The following SGCD variants were observed in gnomAD, a reference collection of about 807,000 sequenced individuals.
SGCD encodes the protein sarcoglycan delta, also known as delta-sarcoglycan.
A neutral mutation model predicts 36.6 loss-of-function variants in SGCD; 18 were observed. The ratio of observed to expected loss-of-function variants is 0.49; its 90% CI spans 0.34 to 0.73. SGCD has a LOEUF of 0.73. SGCD is among the 30% of genes least tolerant of loss of function. The probability of loss-of-function intolerance (pLI) is 0.01; values close to 1 mark genes in which losing one functional copy is unlikely to be tolerated. For synonymous variants in SGCD, 133 were observed against 130.6 expected, an observed-to-expected ratio of 1.02 and a Z score of -0.12; for missense variants, 387 against 346.7, an observed-to-expected ratio of 1.12 and a Z score of -0.92.
At chr5:156,201,690 G>A (rs1460503551) in intron 3 of SGCD, among the ~76,000 whole-genome samples, 2 of 151,624 alleles carry the variant, frequency 1.3e-5, no homozygotes, top group Admixed American at 6.6e-5. Context: ...TCATGCTGCA[G>A]GAGGGAAGAG....
chr5:156,229,293 T>TATATATATATATATATAAAAA (rs1561575014), intron 3 of SGCD, among the ~76,000 whole-genome samples: 6 of 125,224 alleles, frequency 4.8e-5, no homozygotes, highest in African/African-American at 1.5e-4. Context: ...TATATATATA[T>TATATATATATATATATAAAAA]ATATATAAAA....
rs1762791838 is a variant in SGCD, at chr5:156,635,517, C to T, written c.503-11947C>T. Among the ~76,000 whole-genome samples the T allele has an allele frequency of 3.9e-5, 6 of 152,206 alleles. No homozygotes were observed. In the South Asian group the frequency reaches 1.2e-3, roughly 32 times the overall value. On this transcript the variant is annotated intron_variant, in intron 6 of 8. Coordinates refer to ENST00000337851, the MANE Select transcript of SGCD (RefSeq NM_000337.6). The stretch of plus-strand genomic sequence containing the variant: ...CTAGAACTAGAAATACCATTTGACC[C>T]AGCCATCCCATTACTGGGTATATAC...
intron 3 of SGCD, among the ~76,000 whole-genome samples, chr5:156,507,389 G>A (rs1292948100): frequency 1.3e-5 from 2 of 152,172 alleles, no homozygotes; most frequent in African/African-American, 4.8e-5. Flanking sequence ...TCCCTTTAGA[G>A]CCTCCAGAAA....
the SGCD span, among the ~76,000 whole-genome samples, chr5:155,825,141 A>C: frequency 6.6e-6 from 1 of 152,216 alleles, no homozygotes; most frequent in Non-Finnish European, 1.5e-5. Flanking sequence ...CCTGTAATCC[A>C]TGATTGCGTT....
intron 3 of SGCD, among the ~76,000 whole-genome samples, chr5:156,479,866 G>T (rs140279435): frequency 8.4e-4 from 128 of 152,236 alleles, no homozygotes; most frequent in African/African-American, 2.9e-3. Flanking sequence ...TGCTCTCTTG[G>T]TTCTTCCAAC....
chr5:156,758,707 TTATTTTTATAGGCA>T (rs1306523976), intron 8 of SGCD, among the ~76,000 whole-genome samples: 8 of 152,182 alleles, frequency 5.3e-5, no homozygotes, highest in South Asian at 4.1e-4. Context: ...CCACAACTGC[TTATTTTTATAGGCA>T]TATTTTTATA....
chr5:156,527,129 T>C (rs1289872706), intron 4 of SGCD, among the ~76,000 whole-genome samples: 1 of 152,210 alleles, frequency 6.6e-6, no homozygotes, highest in Non-Finnish European at 1.5e-5. Context: ...ATTTGAAGGC[T>C]TCTGGATCTC....
chr5:156,468,772 A>T (rs1465662667), intron 3 of SGCD, among the ~76,000 whole-genome samples: 2 of 152,180 alleles, frequency 1.3e-5, no homozygotes, highest in African/African-American at 4.8e-5. Flanking sequence ...TGGGTGGATC[A>T]CTTGAGGTCA....
chr5:155,746,193 T>A, the SGCD span, among the ~76,000 whole-genome samples: 1 of 152,130 alleles, frequency 6.6e-6, no homozygotes, highest in African/African-American at 2.4e-5. Flanking sequence ...AGATGAACAT[T>A]AGGATCAAAA....
intron 3 of SGCD, among the ~76,000 whole-genome samples, chr5:156,318,674 C>T (rs918129328): frequency 1.3e-5 from 2 of 151,426 alleles, no homozygotes; most frequent in Non-Finnish European, 1.5e-5. Context: ...TGGCTCACTG[C>T]AACCTCTACC....
intron 6 of SGCD, among the ~76,000 whole-genome samples, chr5:156,603,255 T>C (rs1462789874): frequency 6.6e-6 from 1 of 152,134 alleles, no homozygotes; most frequent in Non-Finnish European, 1.5e-5. Flanking sequence ...TACATAATAA[T>C]CCATTTTATT....
chr5:156,494,696 A>G (rs770804489), intron 3 of SGCD, among the ~76,000 whole-genome samples: 1 of 152,160 alleles, frequency 6.6e-6, no homozygotes. Context: ...TCCTCGTGGT[A>G]TCTTCTTCAA....
chr5:155,882,699 C>T (rs997856314), intron 1 of SGCD, among the ~76,000 whole-genome samples: 2 of 152,090 alleles, frequency 1.3e-5, no homozygotes, highest in Non-Finnish European at 1.5e-5. Context: ...AAAATACTCA[C>T]CAAACCATGC....
intron 3 of SGCD, among the ~76,000 whole-genome samples, chr5:156,164,719 T>C (rs1763172115): frequency 6.6e-6 from 1 of 152,184 alleles, no homozygotes; most frequent in Non-Finnish European, 1.5e-5. Context: ...GCCTTTCTGT[T>C]CCTTTCAATA....
the SGCD span, among the ~76,000 whole-genome samples, chr5:155,753,714 G>A: frequency 4.6e-5 from 7 of 152,042 alleles, no homozygotes; most frequent in South Asian, 2.1e-4. Flanking sequence ...TCTCAAAACC[G>A]GGAATCAAGT....
At chr5:155,745,159 C>G in the SGCD span, among the ~76,000 whole-genome samples, 1 of 152,112 alleles carries the variant, frequency 6.6e-6, no homozygotes, top group Admixed American at 6.5e-5. Context: ...AAACACATTT[C>G]CACAGAAAGA....
At chr5:156,121,144 TA>T (rs1293750965) in intron 2 of SGCD, among the ~76,000 whole-genome samples, 1 of 151,998 alleles carries the variant, frequency 6.6e-6, no homozygotes, top group Admixed American at 6.6e-5. Context: ...TGTCATATGA[TA>T]AAAGATGGAA....
intron 1 of SGCD, among the ~76,000 whole-genome samples, chr5:156,104,092 C>T (rs1163403708): frequency 6.6e-6 from 1 of 151,986 alleles, no homozygotes; most frequent in Non-Finnish European, 1.5e-5. Context: ...TAATTAATAA[C>T]TTTGGGCTAG....
At chr5:156,743,576 C>T (rs1334423607) in intron 7 of SGCD, among the ~76,000 whole-genome samples, 1 of 152,194 alleles carries the variant, frequency 6.6e-6, no homozygotes, top group African/African-American at 2.4e-5. Context: ...ACTAGCTCTA[C>T]ACTGGGAAAG....
Sources: allele counts gnomAD v4.1 joint callset (sites outside exome capture counted in the v4.1 genomes callset), GRCh38; gene constraint gnomAD v4.1.1; transcripts MANE v1.5; gene names NCBI Gene and HGNC (gene_info 2026-07-23, HGNC 2026-07-21).